The following C2orf49 variants were observed in gnomAD, a reference collection of about 807,000 sequenced individuals.
The protein encoded by C2orf49 is tRNA splicing ligase complex subunit 2.
Under a neutral mutation model 20.6 loss-of-function variants are expected in C2orf49, and 11 were observed. That is an observed-to-expected ratio of 0.53 (90% confidence interval 0.34 to 0.88). C2orf49 has a LOEUF of 0.88. Among genes scored for constraint, C2orf49 ranks in the 40% least tolerant of loss-of-function variants. The pLI, the probability that C2orf49 is intolerant of heterozygous loss-of-function variation, is 0.02. For synonymous variants in C2orf49, 134 were observed against 108.5 expected, an observed-to-expected ratio of 1.24 and a Z score of -1.46; for missense variants, 289 against 274.2, an observed-to-expected ratio of 1.05 and a Z score of -0.38.
the C2orf49 span, chr2:105,359,117 A>T: frequency 6.6e-6 from 1 of 152,220 alleles, no homozygotes; most frequent in Non-Finnish European, 1.5e-5. Context: ...TTAACAATTA[A>T]ATAAATATTT....
chr2:105,367,459 C>A, the C2orf49 span: 3 of 1,126,144 alleles, frequency 2.7e-6, no homozygotes, highest in South Asian at 3.1e-5. Context: ...ACAGCTCCCA[C>A]GCCACTTAAG....
downstream of C2orf49, among the ~76,000 whole-genome samples, chr2:105,350,663 C>G (rs1679911228): frequency 6.6e-6 from 1 of 152,144 alleles, no homozygotes; most frequent in African/African-American, 2.4e-5. Context: ...AAGACAAATG[C>G]TTTTCATAAA....
At chr2:105,371,001 C>T in the C2orf49 span, among the ~76,000 whole-genome samples, 21 of 152,192 alleles carry the variant, frequency 1.4e-4, no homozygotes, top group Non-Finnish European at 2.9e-5. Context: ...TTCCCCCATT[C>T]CTTAGTAGAA....
chr2:105,370,773 T>G, the C2orf49 span, among the ~76,000 whole-genome samples: 1 of 152,188 alleles, frequency 6.6e-6, no homozygotes, highest in Non-Finnish European at 1.5e-5. Flanking sequence ...CCGGGATTCT[T>G]CTAGACGCCC....
chr2:105,382,674 T>A, the C2orf49 span, among the ~76,000 whole-genome samples: 1 of 152,080 alleles, frequency 6.6e-6, no homozygotes, highest in East Asian at 1.9e-4. Flanking sequence ...GATCTGCAGA[T>A]CTTTTGTTCT....
chr2:105,371,078 T>C, the C2orf49 span, among the ~76,000 whole-genome samples: 1 of 152,198 alleles, frequency 6.6e-6, no homozygotes. Flanking sequence ...ATTAGGTTTT[T>C]ACTTCTTATC....
the C2orf49 span, chr2:105,363,090 G>A: frequency 1.7e-6 from 1 of 584,022 alleles, no homozygotes; most frequent in Middle Eastern, 4.0e-4. Flanking sequence ...GGGCTGCAGA[G>A]GAAGGAATCA....
At chr2:105,384,040 C>G in the C2orf49 span, among the ~76,000 whole-genome samples, 1 of 152,146 alleles carries the variant, frequency 6.6e-6, no homozygotes, top group African/African-American at 2.4e-5. Context: ...GGAAGGATGA[C>G]GGCTTTTAAG....
chr2:105,366,224 A>T, the C2orf49 span, among the ~76,000 whole-genome samples: 2 of 152,182 alleles, frequency 1.3e-5, no homozygotes, highest in East Asian at 3.8e-4. Context: ...AAAGAAAAAA[A>T]AAAAGGAAAT....
At chr2:105,364,324 CTG>C in the C2orf49 span, among the ~76,000 whole-genome samples, 1 of 152,188 alleles carries the variant, frequency 6.6e-6, no homozygotes. Context: ...ACTCACGAGC[CTG>C]TCTCTCCAGC....
chr2:105,350,110 C>G (rs1408370573), downstream of C2orf49, among the ~76,000 whole-genome samples: 1 of 152,176 alleles, frequency 6.6e-6, no homozygotes, highest in African/African-American at 2.4e-5. Context: ...GTCTAGCTGC[C>G]GGCTGACTAA....
downstream of C2orf49, among the ~76,000 whole-genome samples, chr2:105,353,116 G>A (rs1679977477): frequency 6.6e-6 from 1 of 152,084 alleles, no homozygotes; most frequent in Admixed American, 6.5e-5. Context: ...GAAGAACTTG[G>A]GCTGAACTCA....
the C2orf49 span, among the ~76,000 whole-genome samples, chr2:105,356,479 G>A: frequency 6.6e-6 from 1 of 152,102 alleles, no homozygotes; most frequent in Admixed American, 6.5e-5. Flanking sequence ...AGAGGCTGAG[G>A]TGGGAAGATC....
chr2:105,369,619 T>G, the C2orf49 span, among the ~76,000 whole-genome samples: 1 of 152,168 alleles, frequency 6.6e-6, no homozygotes, highest in African/African-American at 2.4e-5. Flanking sequence ...AAAACAAACA[T>G]TACATGAAGC....
At chr2:105,360,301 CAA>C in the C2orf49 span, 189 of 101,086 alleles carry the variant, frequency 1.9e-3, no homozygotes, top group Admixed American at 5.9e-3. Context: ...GACTCTGTCT[CAA>C]AAAAAAAAAA....
chr2:105,354,246 GT>G, the C2orf49 span, among the ~76,000 whole-genome samples: 2 of 152,208 alleles, frequency 1.3e-5, no homozygotes, highest in Non-Finnish European at 2.9e-5. Context: ...TATTTAATGA[GT>G]TTCTTGCCTT....
chr2:105,341,336 T>G lies in C2orf49; in HGVS notation c.267-1512T>G, dbSNP rs78082671. On this transcript the variant is annotated intron_variant, in intron 2 of 3. Coordinates refer to ENST00000258457, the MANE Select transcript of C2orf49 (RefSeq NM_024093.3). Reference sequence around the variant, plus strand: ...TTTTGGAAAGGATCTTTGACTCTATTTTTTAAATACACAATTGAATCAGAG... The same window carrying G: ...TTTTGGAAAGGATCTTTGACTCTATGTTTTAAATACACAATTGAATCAGAG... 2.4e-3 allele frequency among the ~76,000 whole-genome samples: 363 copies of G among 152,340 alleles called. 11 individuals are homozygous for G. In the East Asian group the frequency reaches 0.053, roughly 22 times the overall value.
At chr2:105,378,969 G>C in the C2orf49 span, 1 of 152,182 alleles carries the variant, frequency 6.6e-6, no homozygotes, top group Non-Finnish European at 1.5e-5. Flanking sequence ...AGCAGGATGG[G>C]AGAGCATGAG....
the C2orf49 span, chr2:105,373,525 C>A: frequency 6.2e-7 from 1 of 1,613,188 alleles, no homozygotes. Flanking sequence ...TGAAGCTAGA[C>A]TGGCTCACGC....
Sources: gnomAD v4.1 joint callset for allele counts (sites outside exome capture counted in the v4.1 genomes callset) on GRCh38, gnomAD v4.1.1 for gene constraint, MANE v1.5 for transcripts, NCBI Gene and HGNC (gene_info 2026-07-23, HGNC 2026-07-21) for gene names.